The following ABI3BP variants were observed in gnomAD, a reference collection of about 807,000 sequenced individuals.
The protein encoded by ABI3BP is target of Nesh-SH3.
In ABI3BP, 216 loss-of-function variants were observed where a neutral mutation model predicts 268.6. The ratio of observed to expected loss-of-function variants is 0.80; its 90% confidence interval spans 0.72 to 0.90. ABI3BP has a LOEUF of 0.90. Ranked by LOEUF, ABI3BP falls within the 40% of genes least tolerant of loss-of-function variation. ABI3BP has a pLI of 0.00. For missense variants in ABI3BP, 2,090 were observed against 2,182.4 expected (o/e 0.96, Z 0.84); for synonymous variants, 730 against 730.0 (o/e 1.00, Z 0.00).
intron 51 of ABI3BP, among the ~76,000 whole-genome samples, chr3:100,803,009 A>T (rs891265179): frequency 6.2e-5 from 9 of 146,244 alleles, no homozygotes; most frequent in Admixed American, 6.1e-4. Context: ...GAAATGTGGT[A>T]AGAGTTGCCT....
intron 57 of ABI3BP, among the ~76,000 whole-genome samples, chr3:100,783,937 G>A (rs750193228): frequency 6.6e-6 from 1 of 152,148 alleles, no homozygotes; most frequent in Non-Finnish European, 1.5e-5. Context: ...TAATAGGTAG[G>A]ACACATCAGC....
chr3:100,830,142 T>TA (rs2098464455), intron 32 of ABI3BP, among the ~76,000 whole-genome samples: 1 of 62,696 alleles, frequency 1.6e-5, no homozygotes, highest in African/African-American at 4.6e-5. Flanking sequence ...TATATATATA[T>TA]ATATATATAT....
At chr3:100,988,658 A>G (rs924496106) in intron 1 of ABI3BP, among the ~76,000 whole-genome samples, 2 of 152,120 alleles carry the variant, frequency 1.3e-5, no homozygotes, top group African/African-American at 4.8e-5. Flanking sequence ...ACACTGAAGG[A>G]TGACCCCTCT....
chr3:100,842,154 C>A, intron 20 of ABI3BP, 115 bp from the exon 21 acceptor site: 1 of 812,348 alleles, frequency 1.2e-6, no homozygotes, highest in South Asian at 1.7e-5. Flanking sequence ...TTAGGTTCTA[C>A]TGGCTTCTGC....
intron 58 of ABI3BP, 151 bp from the exon 59 acceptor site, chr3:100,778,527 T>C (rs2096775483): frequency 1.5e-6 from 1 of 651,468 alleles, no homozygotes; most frequent in African/African-American, 1.8e-5. Context: ...TGCACACAAA[T>C]ATATTCAGAT....
At chr3:100,880,488 A>G (rs1332206150) in intron 6 of ABI3BP, among the ~76,000 whole-genome samples, 2 of 152,160 alleles carry the variant, frequency 1.3e-5, no homozygotes, top group African/African-American at 4.8e-5. Context: ...TATCCTGTCC[A>G]TTACAAACCC....
At chr3:100,770,131 C>G (rs7642643) in intron 62 of ABI3BP, among the ~76,000 whole-genome samples, 19,056 of 152,170 alleles carry the variant, frequency 0.13, 1,262 homozygotes, top group Middle Eastern at 0.15. Flanking sequence ...GCTGATTTAG[C>G]TTGCTAGTCT....
chr3:100,794,143 T>C (rs2152123340), intron 54 of ABI3BP, among the ~76,000 whole-genome samples: 1 of 152,126 alleles, frequency 6.6e-6, no homozygotes, highest in East Asian at 1.9e-4. Flanking sequence ...CTGAGAGGCC[T>C]TTCCTTATTT....
intron 4 of ABI3BP, among the ~76,000 whole-genome samples, chr3:100,897,768 G>A (rs906199066): frequency 3.9e-5 from 6 of 152,072 alleles, no homozygotes; most frequent in Non-Finnish European, 7.4e-5. Flanking sequence ...ATTTTACTGT[G>A]TTTAAATTAT....
intron 1 of ABI3BP, among the ~76,000 whole-genome samples, chr3:100,937,049 T>A (rs1174868393): frequency 6.6e-6 from 1 of 151,876 alleles, no homozygotes; most frequent in Non-Finnish European, 1.5e-5. Context: ...TAGAGCAATA[T>A]TTATAAAAAT....
At chr3:100,852,062 T>C in intron 14 of ABI3BP, 122 bp from the exon 15 acceptor site, 2 of 884,396 alleles carry the variant, frequency 2.3e-6, no homozygotes, top group Admixed American at 5.5e-5. Context: ...TAGGTACTGG[T>C]ACATTTTGGC....
chr3:100,803,043 C>T (rs1327392845), intron 51 of ABI3BP, among the ~76,000 whole-genome samples: 1 of 145,960 alleles, frequency 6.9e-6, no homozygotes, highest in Non-Finnish European at 1.6e-5. Flanking sequence ...GGGGGTGCCA[C>T]ACCCCTGGGG....
At chr3:100,941,901 C>T (rs2069453656) in intron 1 of ABI3BP, among the ~76,000 whole-genome samples, 1 of 152,016 alleles carries the variant, frequency 6.6e-6, no homozygotes, top group Admixed American at 6.6e-5. Flanking sequence ...GCTAAAATTA[C>T]TCTTTAAAGT....
At chr3:100,911,707 T>C (rs1221476830) in intron 2 of ABI3BP, 1 of 783,382 alleles carries the variant, frequency 1.3e-6, no homozygotes, top group Non-Finnish European at 2.3e-6. Flanking sequence ...AAAGGTACCC[T>C]GTGAAAAAGT....
chr3:100,866,242 A>C (rs911869238), intron 10 of ABI3BP, among the ~76,000 whole-genome samples: 1 of 152,130 alleles, frequency 6.6e-6, no homozygotes, highest in Non-Finnish European at 1.5e-5. Context: ...AGGTGGTACT[A>C]CTCTGGCAAA....
chr3:100,908,715 T>C (rs1157355797), intron 2 of ABI3BP, among the ~76,000 whole-genome samples: 1 of 152,170 alleles, frequency 6.6e-6, no homozygotes, highest in Non-Finnish European at 1.5e-5. Context: ...GTGAAGGACC[T>C]CTTCAAGGAG....
intron 63 of ABI3BP, among the ~76,000 whole-genome samples, chr3:100,758,374 C>G (rs1048486428): frequency 3.3e-5 from 5 of 152,140 alleles, no homozygotes; most frequent in African/African-American, 1.2e-4. Context: ...CATGTAAAAG[C>G]AAGGTGCTTG....
chr3:100,840,397 T>A (rs2098675400), intron 22 of ABI3BP, among the ~76,000 whole-genome samples: 1 of 152,154 alleles, frequency 6.6e-6, no homozygotes, highest in African/African-American at 2.4e-5. Flanking sequence ...CATTTTGAGA[T>A]GGAAAATCTC....
intron 6 of ABI3BP, among the ~76,000 whole-genome samples, chr3:100,880,122 G>C (rs1291173452): frequency 7.2e-5 from 11 of 152,090 alleles, no homozygotes; most frequent in Non-Finnish European, 1.6e-4. Flanking sequence ...ACTTTTTCTA[G>C]GCTTGTTATT....
Sources: gnomAD v4.1 joint callset for allele counts (sites outside exome capture counted in the v4.1 genomes callset) on GRCh38, gnomAD v4.1.1 for gene constraint, MANE v1.5 for transcripts, NCBI Gene and HGNC (gene_info 2026-07-23, HGNC 2026-07-21) for gene names.